ROS1: variants seen among roughly 807,000 people sequenced by gnomAD.
The protein encoded by ROS1 is ROS proto-oncogene 1, receptor tyrosine kinase.
ROS1 carries 263 observed loss-of-function variants against 273.5 expected under a neutral mutation model. The ratio of observed to expected loss-of-function variants is 0.96; its 90% CI spans 0.87 to 1.06. The LOEUF is 1.06. ROS1 is among the 50% of genes least tolerant of loss of function. The probability of loss-of-function intolerance (pLI) is 0.00; values close to 1 mark genes in which losing one functional copy is unlikely to be tolerated. For synonymous variants in ROS1, 1,008 were observed against 954.1 expected (o/e 1.06, Z -1.04); for missense variants, 2,833 against 2,751.1 (o/e 1.03, Z -0.67).
At chr6:117,368,970 T>A (rs1354760908) in intron 18 of ROS1, among the ~76,000 whole-genome samples, 1 of 152,202 alleles carries the variant, frequency 6.6e-6, no homozygotes, top group Admixed American at 6.5e-5. Context: ...AAGTTACGTT[T>A]ACTTGTTTTT....
intron 32 of ROS1, among the ~76,000 whole-genome samples, chr6:117,332,031 A>G (rs561929791): frequency 1.3e-5 from 2 of 152,344 alleles, no homozygotes; most frequent in African/African-American, 4.8e-5. Context: ...CCCAATTAAA[A>G]GATACAGACT....
At chr6:117,423,093 A>G (rs1775879286) in intron 1 of ROS1, among the ~76,000 whole-genome samples, 1 of 152,150 alleles carries the variant, frequency 6.6e-6, no homozygotes, top group Admixed American at 6.6e-5. Context: ...TCTCACTGAT[A>G]AGTGGGAGCA....
chr6:117,392,181 A>G (rs1280374644), intron 12 of ROS1, among the ~76,000 whole-genome samples: 1 of 152,232 alleles, frequency 6.6e-6, no homozygotes, highest in Admixed American at 6.5e-5. Context: ...GTCCTACATC[A>G]CAAAGCATTA....
At position 117,292,805 on chromosome 6, in the gene ROS1, C is replaced by T. The variant is rs1376294275; in HGVS notation, c.6716-4003G>A. ...CCAACTTTCTCCTTTCTCTTTTTTA[C>T]GCACTTAGTTGCCAAGTCCGATAGC... On this transcript the variant is annotated intron_variant, in intron 43 of 43. Transcript: ENST00000368507. Among the ~76,000 whole-genome samples the T allele has an allele frequency of 7.2e-5, 11 of 152,188 alleles. No homozygotes were observed. In the South Asian group the frequency reaches 8.3e-4, roughly 11 times the overall value.
intron 37 of ROS1, among the ~76,000 whole-genome samples, chr6:117,319,220 A>T (rs1776115906): frequency 6.6e-6 from 1 of 152,174 alleles, no homozygotes; most frequent in Admixed American, 6.5e-5. Flanking sequence ...CATTAAGTAT[A>T]CTATGATAAA....
intron 42 of ROS1, among the ~76,000 whole-genome samples, chr6:117,305,727 A>G (rs576194958): frequency 3.0e-4 from 45 of 152,302 alleles, no homozygotes; most frequent in Admixed American, 5.2e-4. Flanking sequence ...TGTATTTCTT[A>G]TATCTTGTAA....
chr6:117,347,714 T>A (rs1395084174), intron 27 of ROS1, among the ~76,000 whole-genome samples: 3 of 152,090 alleles, frequency 2.0e-5, no homozygotes, highest in Non-Finnish European at 4.4e-5. Flanking sequence ...AGTTTTTTTA[T>A]ACATGTTCTT....
chr6:117,423,864 G>A (rs1273486568), intron 1 of ROS1, among the ~76,000 whole-genome samples: 1 of 152,106 alleles, frequency 6.6e-6, no homozygotes, highest in African/African-American at 2.4e-5. Flanking sequence ...ACATTCAATT[G>A]TACATTCACT....
chr6:117,388,079 T>G, intron 13 of ROS1, 87 bp from the exon 14 acceptor site: 1 of 1,584,946 alleles, frequency 6.3e-7, no homozygotes, highest in Non-Finnish European at 8.6e-7. Flanking sequence ...ACCTACAGCC[T>G]CATCTCAAAT....
At chr6:117,310,380 A>T (rs1582579502) in intron 40 of ROS1, 99 bp from the exon 41 acceptor site, 13 of 681,152 alleles carry the variant, frequency 1.9e-5, no homozygotes, top group South Asian at 5.4e-5. Context: ...AAGAGAAACT[A>T]TTTTTTTTTT....
At chr6:117,346,026 G>C (rs759496622) in intron 27 of ROS1, among the ~76,000 whole-genome samples, 5 of 152,126 alleles carry the variant, frequency 3.3e-5, no homozygotes, top group Non-Finnish European at 7.4e-5. Context: ...CCTTACTAAA[G>C]TTACAAGATG....
In ROS1 at chr6:117,288,440, AACTAC is replaced by A. The variant is rs1773583391; in HGVS notation, c.*47_*51del. ...CATTCTAGCAGAGTTTTCTTTCAGT[AACTAC>A]TGAATGAGAGTGTTTATCTCAACTC... On this transcript the variant is annotated 3_prime_UTR_variant, in exon 44 of 44. Coordinates refer to ENST00000368507, the MANE Select transcript of ROS1 (RefSeq NM_001378902.1). The A allele has an allele frequency of 7.7e-6, 11 of 1,427,206 alleles. No homozygotes were observed. The Middle Eastern group carries it at 1.1e-3, about 142-fold the overall frequency. The allele number at this position is 1,427,206 out of a possible 1,614,324, so 88.4% of individuals were successfully genotyped here. A position where few individuals can be genotyped will look rare whatever the true frequency, so the allele number is the denominator to read the frequency against.
intron 19 of ROS1, 53 bp downstream of exon 19, chr6:117,366,023 T>C: frequency 7.2e-7 from 1 of 1,390,652 alleles, no homozygotes; most frequent in South Asian, 1.2e-5. Flanking sequence ...ACCTAAACAT[T>C]TATTTAACTG....
chr6:117,414,311 C>T (rs1775168029), intron 4 of ROS1, among the ~76,000 whole-genome samples: 1 of 152,028 alleles, frequency 6.6e-6, no homozygotes, highest in Non-Finnish European at 1.5e-5. Context: ...ATATTATATA[C>T]ATGCACATAG....
chr6:117,414,135 G>A (rs1012368137), intron 4 of ROS1, among the ~76,000 whole-genome samples: 1 of 152,150 alleles, frequency 6.6e-6, no homozygotes, highest in African/African-American at 2.4e-5. Context: ...TTGTGGGGAA[G>A]AAAATGGAAT....
chr6:117,328,777 C>A, intron 33 of ROS1: 1 of 613,842 alleles, frequency 1.6e-6, no homozygotes, highest in Non-Finnish European at 3.2e-6. Context: ...GGCTGTTCAT[C>A]AGTGGCTGGT....
intron 43 of ROS1, among the ~76,000 whole-genome samples, chr6:117,294,368 A>T (rs2128527128): frequency 6.6e-6 from 1 of 152,254 alleles, no homozygotes; most frequent in South Asian, 2.1e-4. Context: ...CACAGATAAT[A>T]TTATCTTATA....
chr6:117,389,077 G>A (rs925249341), intron 13 of ROS1, among the ~76,000 whole-genome samples: 7 of 152,180 alleles, frequency 4.6e-5, no homozygotes, highest in Non-Finnish European at 8.8e-5. Flanking sequence ...TATTTGTTCT[G>A]ACTAGAATGT....
intron 26 of ROS1, among the ~76,000 whole-genome samples, chr6:117,355,547 G>A (rs1779239185): frequency 6.6e-6 from 1 of 151,988 alleles, no homozygotes; most frequent in African/African-American, 2.4e-5. Flanking sequence ...AGCTATTTGT[G>A]GCTTTTGAGC....
Sources: gnomAD v4.1 joint callset for allele counts (sites outside exome capture counted in the v4.1 genomes callset) on GRCh38, gnomAD v4.1.1 for gene constraint, MANE v1.5 for transcripts, NCBI Gene and HGNC (gene_info 2026-07-23, HGNC 2026-07-21) for gene names.